ICA1: variants seen among roughly 807,000 people sequenced by gnomAD.
ICA1 encodes 69 kDa islet cell autoantigen.
In ICA1, 40 loss-of-function variants were observed where a neutral mutation model predicts 71.0. The ratio of observed to expected loss-of-function variants is 0.56; its 90% CI spans 0.44 to 0.73. The LOEUF (loss-of-function observed/expected upper bound fraction) is 0.73. Ranked by LOEUF, ICA1 falls within the 30% of genes least tolerant of loss-of-function variation. ICA1 has a pLI of 0.00. For synonymous variants in ICA1, 207 were observed against 209.5 expected (o/e 0.99, Z 0.10); for missense variants, 578 against 576.5 (o/e 1.00, Z -0.03).
intron 8 of ICA1, among the ~76,000 whole-genome samples, chr7:8,152,658 ACCACCACCACC>A (rs1799475545): frequency 7.0e-6 from 1 of 143,314 alleles, no homozygotes; most frequent in African/African-American, 2.6e-5. Context: ...CACCACCACC[ACCACCACCACC>A]ATTATCTCCT....
rs6966600 is a variant in ICA1 at position 8,132,099 on chromosome 7, C to A, written c.1061-3957G>T. Among the ~76,000 whole-genome samples, 851 of 152,308 alleles carry A rather than the reference C, an allele frequency of 5.6e-3. 12 individuals are homozygous for A. Among genetic ancestry groups the A allele is most frequent in the African/African-American group, 0.02 (818 of 41,554 alleles). On this transcript the variant is annotated intron_variant, in intron 12 of 13. Coordinates refer to ENST00000402384, the MANE Select transcript of ICA1 (RefSeq NM_001136020.3). The surrounding 1 kb of genome is among the most constrained non-coding windows in gnomAD (Gnocchi z 4.5). ...TGTGTTTACTTGCTTACCAGATAAC[C>A]TAACTACAGACACTGCTGCAAAAAT...
chr7:8,174,108 G>C (rs1264184077), intron 6 of ICA1, among the ~76,000 whole-genome samples: 3 of 152,044 alleles, frequency 2.0e-5, no homozygotes, highest in African/African-American at 7.3e-5. Flanking sequence ...CCGATCTCAG[G>C]GGGAAGAAGA....
At chr7:8,239,136 G>A (rs185310973) in intron 1 of ICA1, among the ~76,000 whole-genome samples, 1 of 152,284 alleles carries the variant, frequency 6.6e-6, no homozygotes, top group African/African-American at 2.4e-5. Flanking sequence ...AAGGCAGCTG[G>A]AGCCAGTGCT....
chr7:8,214,698 C>T (rs1794851987), intron 6 of ICA1, among the ~76,000 whole-genome samples: 1 of 152,128 alleles, frequency 6.6e-6, no homozygotes, highest in African/African-American at 2.4e-5. Context: ...AGAGCTCTGT[C>T]GTCAGGCCTC....
chr7:8,259,658 G>C (rs1033609940), intron 1 of ICA1, among the ~76,000 whole-genome samples: 1 of 152,274 alleles, frequency 6.6e-6, no homozygotes, highest in East Asian at 1.9e-4. Flanking sequence ...CTGTTCTGTA[G>C]ATAAGGAAAT....
chr7:8,226,775 T>G lies in ICA1; in HGVS notation c.256+1826A>C, dbSNP rs1482556236. On this transcript the variant is annotated intron_variant, in intron 4 of 13. Coordinates refer to ENST00000402384, the MANE Select transcript of ICA1 (RefSeq NM_001136020.3). The surrounding 1 kb of genome is among the most constrained non-coding windows in gnomAD (Gnocchi z 4.4). ...AGCTCTGCTGGCACAACCAGGTGAC[T>G]GCTTCAACGGTGGGGACATTATTCT... 6.6e-6 allele frequency among the ~76,000 whole-genome samples: 1 copy of G among 152,348 alleles called. No individual in the cohort carries two copies. The highest frequency in any genetic ancestry group is 2.4e-5 in the African/African-American group (1 of 41,582).
intron 1 of ICA1, among the ~76,000 whole-genome samples, chr7:8,240,868 AAG>A (rs1212765160): frequency 6.6e-6 from 1 of 152,210 alleles, no homozygotes; most frequent in African/African-American, 2.4e-5. Context: ...TTAGAGAAAA[AAG>A]AGTAAAAAGT....
At chr7:8,116,827 A>C (rs929577473) in intron 13 of ICA1, among the ~76,000 whole-genome samples, 7 of 152,228 alleles carry the variant, frequency 4.6e-5, no homozygotes, top group Non-Finnish European at 8.8e-5. Flanking sequence ...AATACAGATA[A>C]GTAAATAACA....
chr7:8,254,600 T>C (rs1004859909), intron 1 of ICA1, among the ~76,000 whole-genome samples: 1 of 150,946 alleles, frequency 6.6e-6, no homozygotes, highest in African/African-American at 2.4e-5. Context: ...CCAGAGCTTA[T>C]AAAGCACAAG....
At chr7:8,237,183 G>C (rs1161977086) in intron 1 of ICA1, among the ~76,000 whole-genome samples, 1 of 152,074 alleles carries the variant, frequency 6.6e-6, no homozygotes, top group Non-Finnish European at 1.5e-5. Context: ...ATATCTGGAC[G>C]AGCTGCTTTT....
At chr7:8,201,391 A>T (rs1789622915) in intron 6 of ICA1, among the ~76,000 whole-genome samples, 2 of 152,200 alleles carry the variant, frequency 1.3e-5, no homozygotes, top group Non-Finnish European at 2.9e-5. Context: ...GACAAGAGAA[A>T]GGAAGGGACA....
intron 3 of ICA1, among the ~76,000 whole-genome samples, chr7:8,229,696 A>G (rs1337311123): frequency 1.3e-5 from 2 of 152,240 alleles, no homozygotes; most frequent in African/African-American, 4.8e-5. Context: ...ATGCATGCAT[A>G]TATACTTAAA....
chr7:8,158,150 G>A (rs1802392148), intron 7 of ICA1, among the ~76,000 whole-genome samples: 2 of 152,200 alleles, frequency 1.3e-5, no homozygotes, highest in Non-Finnish European at 2.9e-5. Context: ...TGATGAGAAA[G>A]ATATGCCACG....
intron 6 of ICA1, among the ~76,000 whole-genome samples, chr7:8,192,191 A>G (rs972013479): frequency 1.3e-5 from 2 of 152,236 alleles, no homozygotes; most frequent in Admixed American, 1.3e-4. Flanking sequence ...GATTTTATCA[A>G]TTGTCCCAAT....
At chr7:8,133,686 A>T (rs985466510) in intron 12 of ICA1, among the ~76,000 whole-genome samples, 2 of 152,202 alleles carry the variant, frequency 1.3e-5, no homozygotes, top group African/African-American at 4.8e-5. Flanking sequence ...GTCTAGTGGT[A>T]TTCAGGATGT....
chr7:8,187,558 T>C (rs926529926), intron 6 of ICA1, among the ~76,000 whole-genome samples: 3 of 152,242 alleles, frequency 2.0e-5, no homozygotes, highest in Admixed American at 1.3e-4. Flanking sequence ...ACTAAATTTA[T>C]AACAAATGTT....
chr7:8,138,704 TAA>T, intron 12 of ICA1, 134 bp downstream of exon 12: 1 of 697,802 alleles, frequency 1.4e-6, no homozygotes. Flanking sequence ...AGGTCATTTA[TAA>T]AGACTGTCAC....
chr7:8,146,742 CGTGTGTGTGTGT>C (rs111464131), intron 8 of ICA1, among the ~76,000 whole-genome samples: 4 of 143,772 alleles, frequency 2.8e-5, no homozygotes, highest in Admixed American at 2.1e-4. Context: ...TGTGCGTGTG[CGTGTGTGTGTGT>C]GTGTGTGTGT....
chr7:8,114,159 T>A, intron 13 of ICA1, 115 bp from the exon 14 acceptor site: 1 of 1,167,346 alleles, frequency 8.6e-7, no homozygotes, highest in East Asian at 2.4e-5. Flanking sequence ...ATCAGACAAA[T>A]CCCTTTGCAC....
Sources: gnomAD v4.1 joint callset for allele counts (sites outside exome capture counted in the v4.1 genomes callset) on GRCh38, gnomAD v4.1.1 for gene constraint, Gnocchi (gnomAD v3.1) non-coding constraint, MANE v1.5 for transcripts, NCBI Gene and HGNC (gene_info 2026-07-23, HGNC 2026-07-21) for gene names.